DZIP3: variants seen among roughly 807,000 people sequenced by gnomAD.
The protein encoded by DZIP3 is E3 ubiquitin-protein ligase DZIP3.
DZIP3 carries 118 observed loss-of-function variants against 162.0 expected under a neutral mutation model. That is an observed-to-expected ratio of 0.73 (90% CI 0.63 to 0.85). The LOEUF (loss-of-function observed/expected upper bound fraction) is 0.85. DZIP3 is among the 40% of genes least tolerant of loss of function. The probability of loss-of-function intolerance (pLI) is 0.00; values close to 1 mark genes in which losing one functional copy is unlikely to be tolerated. For synonymous variants in DZIP3, 438 were observed against 458.6 expected (o/e 0.96, Z 0.57); for missense variants, 1,331 against 1,407.0 (o/e 0.95, Z 0.86).
At chr3:108,626,418 A>C (rs1260413749) in intron 7 of DZIP3, among the ~76,000 whole-genome samples, 5 of 152,234 alleles carry the variant, frequency 3.3e-5, no homozygotes, top group African/African-American at 4.8e-5. Context: ...TATTAGTATT[A>C]TCACCACTAA....
chr3:108,654,094 A>G (rs1196445616), intron 18 of DZIP3, 51 bp from the exon 19 acceptor site: 1 of 1,579,580 alleles, frequency 6.3e-7, no homozygotes, highest in Non-Finnish European at 8.6e-7. Flanking sequence ...AGCTTAGATG[A>G]AAATTACTAT....
chr3:108,671,837 G>GT (rs1427753272), intron 22 of DZIP3, among the ~76,000 whole-genome samples: 11 of 152,020 alleles, frequency 7.2e-5, no homozygotes, highest in African/African-American at 2.4e-4. Flanking sequence ...AAGTAGTACC[G>GT]TTTTTTCCAT....
intron 21 of DZIP3, among the ~76,000 whole-genome samples, 198 bp downstream of exon 21, chr3:108,662,455 A>G (rs1039375966): frequency 6.6e-6 from 1 of 152,210 alleles, no homozygotes; most frequent in Non-Finnish European, 1.5e-5. Context: ...CTCACACTAT[A>G]TATCAAGCTT....
intron 1 of DZIP3, among the ~76,000 whole-genome samples, chr3:108,594,007 C>G (rs146639706): frequency 2.0e-5 from 3 of 152,012 alleles, no homozygotes; most frequent in Non-Finnish European, 4.4e-5. Context: ...TTTATTCTGC[C>G]TTTCCTTAAT....
chr3:108,691,573 G>A (rs552943402), intron 32 of DZIP3, among the ~76,000 whole-genome samples: 1 of 152,136 alleles, frequency 6.6e-6, no homozygotes, highest in Non-Finnish European at 1.5e-5. Flanking sequence ...CAGGTATACA[G>A]TGGGTACCTC....
At position 108,662,187 on chromosome 3, in the gene DZIP3, A is replaced by C. The variant is rs368779018; in HGVS notation, c.2353A>C (p.Ile785Leu). 3.1e-6 allele frequency: 5 copies of C among 1,610,088 alleles called. No individual in the cohort carries two copies. The highest frequency in any genetic ancestry group is 1.7e-6 in the Non-Finnish European group (2 of 1,179,004). ...TFRWQENQMQIKKKDKIIASL... is the reference protein window; with the variant it reads ...TFRWQENQMQLKKKDKIIASL... ...TCGGTGGCAAGAAAACCAAATGCAG[A>C]TTAAAAAGAAAGACAAAATTATCGC... Residue 785 changes from isoleucine to leucine, a missense_variant, in exon 21 of 33, where the codon ATT becomes CTT. Coordinates refer to ENST00000361582, the MANE Select transcript of DZIP3 (RefSeq NM_014648.4).
At chr3:108,635,096 T>A in intron 10 of DZIP3, 124 bp downstream of exon 10, 1 of 552,120 alleles carries the variant, frequency 1.8e-6, no homozygotes, top group South Asian at 2.8e-5. Flanking sequence ...CTCCTTTTTT[T>A]CTTTTTCTTT....
chr3:108,667,133 A>G (rs1943715783), intron 21 of DZIP3, among the ~76,000 whole-genome samples: 1 of 152,040 alleles, frequency 6.6e-6, no homozygotes, highest in Non-Finnish European at 1.5e-5. Flanking sequence ...CAGCATGGGC[A>G]ACATAGCAAG....
At chr3:108,636,812 C>T (rs1349063123) in intron 11 of DZIP3, 104 bp downstream of exon 11, 3 of 782,052 alleles carry the variant, frequency 3.8e-6, no homozygotes. Context: ...TAGATTCCAG[C>T]CATATTGCCT....
At chr3:108,690,708 G>C in intron 31 of DZIP3, 79 bp from the exon 32 acceptor site, 1 of 1,293,094 alleles carries the variant, frequency 7.7e-7, no homozygotes, top group Non-Finnish European at 1.1e-6. Context: ...ATGTTGGTTG[G>C]TAACCCTGAT....
chr3:108,688,937 A>C lies in DZIP3; in HGVS notation c.3516+13A>C, dbSNP rs759954186. On this transcript the variant is annotated intron_variant, in intron 31 of 32. Transcript: ENST00000361582. ...ATTCCATGCTCAGGTAACACTTTAA[A>C]TTTTCCCATTAATCAGCTAAATGAG... 3.4e-5 allele frequency: 55 copies of C among 1,611,140 alleles called. No homozygotes were observed. Among genetic ancestry groups the C allele is most frequent in the Non-Finnish European group, 4.6e-5 (54 of 1,177,584 alleles).
At chr3:108,607,710 G>A (rs987214551) in intron 2 of DZIP3, among the ~76,000 whole-genome samples, 1 of 152,128 alleles carries the variant, frequency 6.6e-6, no homozygotes, top group African/African-American at 2.4e-5. Flanking sequence ...ATCTATTTAA[G>A]ATAGATCTCT....
At chr3:108,619,653 GATT>G (rs1280244695) in intron 5 of DZIP3, among the ~76,000 whole-genome samples, 1 of 152,122 alleles carries the variant, frequency 6.6e-6, no homozygotes, top group Non-Finnish European at 1.5e-5. Context: ...GGCTTTAATG[GATT>G]GGATGATGCC....
chr3:108,669,589 T>C (rs1357058789), intron 21 of DZIP3, 92 bp from the exon 22 acceptor site: 2 of 1,144,842 alleles, frequency 1.7e-6, no homozygotes, highest in Non-Finnish European at 2.5e-6. Flanking sequence ...GGACATACTT[T>C]ATCTCCTCCA....
At chr3:108,647,900 T>A (rs758970732) in intron 15 of DZIP3, 43 bp from the exon 16 acceptor site, 2 of 1,414,734 alleles carry the variant, frequency 1.4e-6, no homozygotes, top group Non-Finnish European at 1.9e-6. Context: ...GAAGCTGAAA[T>A]TGCTTTCATC....
intron 10 of DZIP3, chr3:108,635,489 A>G: frequency 6.3e-6 from 1 of 159,076 alleles, no homozygotes; most frequent in Non-Finnish European, 1.3e-5. Context: ...GTTATAGATA[A>G]TATATAATTA....
intron 5 of DZIP3, among the ~76,000 whole-genome samples, chr3:108,617,620 A>G (rs2107534014): frequency 6.6e-6 from 1 of 152,316 alleles, no homozygotes; most frequent in South Asian, 2.1e-4. Context: ...CTCATATTAT[A>G]ATGATGTACA....
rs753341523 is a variant in DZIP3, at chr3:108,661,919, A to G, written c.2242A>G (p.Lys748Glu). 58 of 1,613,936 alleles carry G rather than the reference A, an allele frequency of 3.6e-5. No individual in the cohort carries two copies. The highest frequency in any genetic ancestry group is 4.7e-5 in the Non-Finnish European group (56 of 1,179,938). Residue 748 changes from lysine to glutamate, a missense_variant, in exon 20 of 33, where the codon AAG becomes GAG. Physicochemically the swap from Lys to Glu is moderately conservative, Grantham distance 56. Around this residue, in one of 2 missense-constraint regions of DZIP3, gnomAD observed 1,278 missense variants for 1,317.1 expected, o/e 0.97. Coordinates refer to ENST00000361582, the MANE Select transcript of DZIP3 (RefSeq NM_014648.4). ...AACTACAGACTATGGAGAAACTGAA[A>G]AGGAAAGGCTTGCTCGTCAAAGGCA... ...KVTTDYGETEKERLARQRQLY... is the reference protein window; with the variant it reads ...KVTTDYGETEEERLARQRQLY...
At chr3:108,657,900 T>A (rs1943215198) in intron 19 of DZIP3, among the ~76,000 whole-genome samples, 1 of 152,182 alleles carries the variant, frequency 6.6e-6, no homozygotes, top group Admixed American at 6.5e-5. Context: ...AGAAGGTCTT[T>A]ACATAATGGT....
Sources: gnomAD v4.1 joint callset for allele counts (sites outside exome capture counted in the v4.1 genomes callset) on GRCh38, gnomAD v4.1.1 for gene constraint, gnomAD v4.1.1 regional missense constraint, MANE v1.5 for transcripts, NCBI Gene and HGNC (gene_info 2026-07-23, HGNC 2026-07-21) for gene names.